Variants in SLC24A3 observed in about 807,000 individuals in gnomAD.
SLC24A3 encodes the protein solute carrier family 24 member 3, also known as sodium/potassium/calcium exchanger 3.
In SLC24A3, 28 loss-of-function variants were observed where a neutral mutation model predicts 75.8. The ratio of observed to expected loss-of-function variants is 0.37; its 90% CI spans 0.27 to 0.51. The LOEUF is 0.51. SLC24A3 is among the 20% of genes least tolerant of loss of function. SLC24A3 has a pLI of 0.94. For synonymous variants in SLC24A3, 372 were observed against 334.1 expected (o/e 1.11, Z -1.24); for missense variants, 663 against 847.8 (o/e 0.78, Z 2.71).
intron 9 of SLC24A3, among the ~76,000 whole-genome samples, chr20:19,676,978 A>T (rs2032531802): frequency 6.6e-6 from 1 of 152,110 alleles, no homozygotes; most frequent in Admixed American, 6.5e-5. Context: ...ATTAATAATA[A>T]TTTCTACTAT....
intron 7 of SLC24A3, among the ~76,000 whole-genome samples, chr20:19,656,316 C>T (rs1451785613): frequency 6.6e-6 from 1 of 152,160 alleles, no homozygotes; most frequent in African/African-American, 2.4e-5. Context: ...CTGGACCTAC[C>T]ATGCTCCCCT....
At chr20:19,420,554 G>A (rs1314948073) in intron 2 of SLC24A3, among the ~76,000 whole-genome samples, 1 of 145,184 alleles carries the variant, frequency 6.9e-6, no homozygotes, top group African/African-American at 2.6e-5. Context: ...CATGCTCATG[G>A]GTAGGAAGAA....
chr20:19,233,115 G>A (rs547352180), intron 1 of SLC24A3, among the ~76,000 whole-genome samples: 1 of 152,292 alleles, frequency 6.6e-6, no homozygotes, highest in South Asian at 2.1e-4. Context: ...CATACTGACT[G>A]TTCCTCTGAT....
chr20:19,553,601 T>C (rs918244670), intron 3 of SLC24A3, among the ~76,000 whole-genome samples: 16 of 152,116 alleles, frequency 1.1e-4, no homozygotes, highest in African/African-American at 3.9e-4. Flanking sequence ...AATAACAGAA[T>C]GACTGGTGAG....
chr20:19,644,816 G>A (rs531580209), intron 6 of SLC24A3, among the ~76,000 whole-genome samples: 1 of 152,200 alleles, frequency 6.6e-6, no homozygotes, highest in Non-Finnish European at 1.5e-5. Context: ...CAAATGCCAA[G>A]AACTGAAAAG....
intron 1 of SLC24A3, among the ~76,000 whole-genome samples, chr20:19,275,740 T>C (rs1374730529): frequency 6.6e-6 from 1 of 152,122 alleles, no homozygotes; most frequent in Admixed American, 6.5e-5. Flanking sequence ...TGTCCTTCCT[T>C]AGTGCATGCG....
chr20:19,424,465 G>A (rs1239331662), intron 2 of SLC24A3, among the ~76,000 whole-genome samples: 1 of 151,504 alleles, frequency 6.6e-6, no homozygotes, highest in African/African-American at 2.4e-5. Flanking sequence ...TGAGGCGGGT[G>A]AATCATTTAA....
chr20:19,426,568 C>T (rs866165028), intron 2 of SLC24A3, among the ~76,000 whole-genome samples: 2 of 152,190 alleles, frequency 1.3e-5, no homozygotes, highest in Non-Finnish European at 2.9e-5. Flanking sequence ...GTTTCCAATA[C>T]TTTGCTATCA....
rs371253803 is a variant in SLC24A3 at position 19,264,728 on chromosome 20, C to CAAAAAAA, written c.143-16220_143-16214dup. The stretch of plus-strand genomic sequence containing the variant: ...TGGGCGACAGAGCGAGACTCCATCT[C>CAAAAAAA]AAAAAAAAAAAAAAAAACAAAACAA... On this transcript the variant is annotated intron_variant, in intron 1 of 16. Transcript: ENST00000328041. Among the ~76,000 whole-genome samples the CAAAAAAA allele has an allele frequency of 1.2e-4, 12 of 97,830 alleles. 1 individual carries two copies. Among genetic ancestry groups the CAAAAAAA allele is most frequent in the East Asian group, 3.0e-4 (1 of 3,290 alleles). 64.2% of individuals were successfully genotyped at this position (97,830 alleles called of 152,430 possible).
intron 6 of SLC24A3, among the ~76,000 whole-genome samples, chr20:19,610,947 C>T (rs1358696882): frequency 6.6e-6 from 1 of 152,192 alleles, no homozygotes; most frequent in Non-Finnish European, 1.5e-5. Flanking sequence ...ATGGAAAGGG[C>T]TGGTAAGATA....
At chr20:19,329,536 T>C (rs1984949133) in intron 2 of SLC24A3, among the ~76,000 whole-genome samples, 1 of 152,208 alleles carries the variant, frequency 6.6e-6, no homozygotes, top group African/African-American at 2.4e-5. Flanking sequence ...AAGAAAGAAG[T>C]TTGTCACATT....
chr20:19,276,649 A>G (rs1017177833), intron 1 of SLC24A3, among the ~76,000 whole-genome samples: 1 of 152,222 alleles, frequency 6.6e-6, no homozygotes, highest in Non-Finnish European at 1.5e-5. Flanking sequence ...TCGTGCGTAT[A>G]ATCCCAGCAC....
At chr20:19,254,188 C>T (rs1186674284) in intron 1 of SLC24A3, among the ~76,000 whole-genome samples, 3 of 152,154 alleles carry the variant, frequency 2.0e-5, no homozygotes, top group South Asian at 2.1e-4. Context: ...TCCTAGTGTG[C>T]TCCCACAGAG....
At chr20:19,464,311 C>T (rs543279199) in intron 2 of SLC24A3, among the ~76,000 whole-genome samples, 2 of 152,332 alleles carry the variant, frequency 1.3e-5, no homozygotes, top group South Asian at 4.1e-4. Context: ...CCCCTCAGGA[C>T]TCCTGAGGCT....
intron 9 of SLC24A3, among the ~76,000 whole-genome samples, chr20:19,677,876 T>C (rs893619265): frequency 5.9e-5 from 9 of 152,034 alleles, no homozygotes; most frequent in African/African-American, 2.2e-4. Context: ...TTTGCCTCCC[T>C]GGGTACTTGA....
At chr20:19,330,213 G>A (rs1405901183) in intron 2 of SLC24A3, among the ~76,000 whole-genome samples, 3 of 152,276 alleles carry the variant, frequency 2.0e-5, no homozygotes, top group African/African-American at 7.2e-5. Flanking sequence ...GCAGGGCTGG[G>A]CTGAGGAGGG....
intron 1 of SLC24A3, among the ~76,000 whole-genome samples, chr20:19,214,458 A>G (rs988807749): frequency 6.6e-6 from 1 of 152,014 alleles, no homozygotes; most frequent in African/African-American, 2.4e-5. Flanking sequence ...CCAGTGAAAA[A>G]CCAGTTTATA....
chr20:19,675,935 T>G (rs1249328278), intron 9 of SLC24A3, among the ~76,000 whole-genome samples: 1 of 152,224 alleles, frequency 6.6e-6, no homozygotes, highest in Admixed American at 6.5e-5. Context: ...TGTTTTCTAG[T>G]GCATCGTTTC....
chr20:19,486,165 A>G (rs930516729), intron 2 of SLC24A3, among the ~76,000 whole-genome samples: 2 of 152,180 alleles, frequency 1.3e-5, no homozygotes, highest in Non-Finnish European at 2.9e-5. Context: ...TGACCCAGGG[A>G]AGGAGAGTCT....
Sources: gnomAD v4.1 joint callset for allele counts (sites outside exome capture counted in the v4.1 genomes callset) on GRCh38, gnomAD v4.1.1 for gene constraint, MANE v1.5 for transcripts, NCBI Gene and HGNC (gene_info 2026-07-23, HGNC 2026-07-21) for gene names.